Variants in LMO7 observed in about 807,000 individuals in gnomAD.
LMO7 encodes LIM domain 7, also known as LIM domain only protein 7.
In LMO7, 120 loss-of-function variants were observed where a neutral mutation model predicts 206.5. The ratio of observed to expected loss-of-function variants is 0.58; its 90% CI spans 0.50 to 0.68. The LOEUF is 0.68. Among genes scored for constraint, LMO7 ranks in the 30% least tolerant of loss-of-function variants. LMO7 has a pLI of 0.00. For missense variants in LMO7, 1,959 were observed against 1,957.9 expected (o/e 1.00, Z -0.01); for synonymous variants, 706 against 681.5 (o/e 1.04, Z -0.56).
At chr13:75,851,215 T>C (rs554316054) in intron 27 of LMO7, among the ~76,000 whole-genome samples, 3 of 152,290 alleles carry the variant, frequency 2.0e-5, no homozygotes, top group African/African-American at 7.2e-5. Flanking sequence ...TACAGTCTTA[T>C]CATATGAGCA....
intron 2 of LMO7, among the ~76,000 whole-genome samples, chr13:75,722,810 T>C (rs2044137232): frequency 6.6e-6 from 1 of 152,168 alleles, no homozygotes; most frequent in Non-Finnish European, 1.5e-5. Context: ...GTGGTGTATA[T>C]ATGCATATAC....
At chr13:75,629,005 C>T (rs774509861) in intron 2 of LMO7, among the ~76,000 whole-genome samples, 2 of 151,972 alleles carry the variant, frequency 1.3e-5, no homozygotes, top group Non-Finnish European at 2.9e-5. Flanking sequence ...CCCCAGGGGA[C>T]GTCTGGCGGT....
chr13:75,849,995 GT>G lies in LMO7; in HGVS notation c.4364+704del, dbSNP rs2060354316. On this transcript the variant is annotated intron_variant, in intron 27 of 30. Coordinates refer to ENST00000377534, the MANE Select transcript of LMO7 (RefSeq NM_001306080.2). ...CTCTATAAAAAATAGATGTGTGCCT[GT>G]AATCCCAGCTACCCAGGAGGCTGAG... Among the ~76,000 whole-genome samples the G allele has an allele frequency of 1.2e-4, 18 of 152,140 alleles. 1 individual carries two copies. Among genetic ancestry groups the G allele is most frequent in the Non-Finnish European group, 2.2e-4 (15 of 68,030 alleles).
upstream of LMO7, chr13:75,636,301 C>A: frequency 2.8e-6 from 3 of 1,082,852 alleles, no homozygotes; most frequent in Non-Finnish European, 3.4e-6. Flanking sequence ...GCGGGGAGGA[C>A]GGCGGCGGCG....
At chr13:75,828,761 T>G (rs1196950186) in intron 15 of LMO7, among the ~76,000 whole-genome samples, 1 of 152,102 alleles carries the variant, frequency 6.6e-6, no homozygotes. Flanking sequence ...CACAGGAGTT[T>G]AGGGGAGATC....
At position 75,857,963 on chromosome 13, in the gene LMO7, G is replaced by A. The variant is rs2061102358; in HGVS notation, c.*20G>A. 1.2e-6 allele frequency: 2 copies of A among 1,609,554 alleles called. No individual in the cohort carries two copies. The highest frequency in any genetic ancestry group is 1.3e-5 in the African/African-American group (1 of 74,614). Reference sequence around the variant, plus strand: ...ATGTGATGTAAGCCTCCATACGAAAGCACTGTTGCAGATAGAAGAAGAGGT... The same window carrying A: ...ATGTGATGTAAGCCTCCATACGAAAACACTGTTGCAGATAGAAGAAGAGGT... On this transcript the variant is annotated 3_prime_UTR_variant, in exon 31 of 31. Coordinates refer to ENST00000377534, the MANE Select transcript of LMO7 (RefSeq NM_001306080.2).
chr13:75,777,764 G>C (rs1389949541), intron 4 of LMO7, among the ~76,000 whole-genome samples: 1 of 150,626 alleles, frequency 6.6e-6, no homozygotes, highest in Non-Finnish European at 1.5e-5. Flanking sequence ...CCCTGCCTCA[G>C]CCTCCCGAGT....
At chr13:75,664,630 T>G (rs974518989) in intron 1 of LMO7, among the ~76,000 whole-genome samples, 2 of 152,256 alleles carry the variant, frequency 1.3e-5, no homozygotes, top group Non-Finnish European at 2.9e-5. Flanking sequence ...TTGGTTGTAC[T>G]GATTTACATT....
chr13:75,629,273 A>G (rs1472013425), intron 2 of LMO7, among the ~76,000 whole-genome samples: 1 of 152,204 alleles, frequency 6.6e-6, no homozygotes, highest in Non-Finnish European at 1.5e-5. Flanking sequence ...ATTAAGTTAT[A>G]GGTTTTACAT....
chr13:75,802,518 GT>G (rs975600415), intron 7 of LMO7, among the ~76,000 whole-genome samples: 4 of 152,228 alleles, frequency 2.6e-5, no homozygotes, highest in African/African-American at 9.6e-5. Flanking sequence ...TAGAGGGCAT[GT>G]GGGAATATGC....
Position 75,803,431 on chromosome 13 carries a change from G to A in LMO7, c.662-858G>A, listed in dbSNP as rs981064429. Among the ~76,000 whole-genome samples the A allele has an allele frequency of 2.6e-5, 4 of 152,202 alleles. No individual in the cohort carries two copies. The East Asian group carries it at 5.8e-4, about 22-fold the overall frequency. Reference sequence around the variant, plus strand: ...GTAACATTTCCAAACCTTTACAAGTGCACAGGAGGCAGGAAGAGAAGGGTG... The same window carrying A: ...GTAACATTTCCAAACCTTTACAAGTACACAGGAGGCAGGAAGAGAAGGGTG... On this transcript the variant is annotated intron_variant, in intron 7 of 30. Coordinates refer to ENST00000377534, the MANE Select transcript of LMO7 (RefSeq NM_001306080.2).
At chr13:75,655,637 TTATATATATATATATATATATATATATA>T (rs67966172) in intron 1 of LMO7, among the ~76,000 whole-genome samples, 21 of 134,722 alleles carry the variant, frequency 1.6e-4, no homozygotes, top group Admixed American at 3.6e-4. Flanking sequence ...TTCATGGATT[TTATATATATATATATATATATATATATA>T]TATATATATA....
intron 27 of LMO7, among the ~76,000 whole-genome samples, chr13:75,851,989 T>C (rs769867215): frequency 2.0e-5 from 3 of 152,202 alleles, no homozygotes; most frequent in Non-Finnish European, 4.4e-5. Context: ...GTTATGAAGA[T>C]TCAATAAGTT....
Position 75,807,478 on chromosome 13 carries a change from A to T in LMO7, c.1197-2A>T. The stretch of plus-strand genomic sequence containing the variant: ...CTTTCCTTTTTCCTCTCTGTGCATC[A>T]GTCAGTTTTTACTGCTTCAGGCCCT... On this transcript the variant is annotated splice_acceptor_variant, in intron 9 of 30. Transcript: ENST00000377534. LOFTEE classifies it high-confidence loss of function. The T allele has an allele frequency of 6.2e-7, 1 of 1,612,532 alleles. No individual in the cohort carries two copies. Among genetic ancestry groups the T allele is most frequent in the Non-Finnish European group, 8.5e-7 (1 of 1,179,484 alleles).
Position 75,841,845 on chromosome 13 carries a change from G to A in LMO7, c.3893G>A (p.Trp1298Ter). The A allele has an allele frequency of 1.2e-6, 2 of 1,614,112 alleles. No individual in the cohort carries two copies. The highest frequency in any genetic ancestry group is 1.7e-6 in the Non-Finnish European group (2 of 1,180,008). The change falls in exon 24 of 31, where the codon TGG (tryptophan) becomes TAG (stop). Residue 1298 changes from tryptophan (W) to a stop codon, truncating the protein, a stop_gained. Transcript: ENST00000377534. LOFTEE classifies it high-confidence loss of function. The part of the protein sequence containing the change: ...DQLVIERERK[W>*]EQQLQEEQEQ... ...CTTGTTATTGAGAGAGAGAGGAAAT[G>A]GGAGCAACAGCTTCAGGAAGAGCAA...
At chr13:75,843,044 T>C in intron 25 of LMO7, 128 bp downstream of exon 25, 1 of 660,128 alleles carries the variant, frequency 1.5e-6, no homozygotes, top group Non-Finnish European at 2.7e-6. Flanking sequence ...GAGGAATTGC[T>C]GGTTGATCTT....
chr13:75,776,993 G>A (rs1468599842), intron 4 of LMO7, among the ~76,000 whole-genome samples: 1 of 152,218 alleles, frequency 6.6e-6, no homozygotes, highest in African/African-American at 2.4e-5. Context: ...CCTTTTGCAT[G>A]TGAGAAAAGT....
rs115087131 is a variant in LMO7, at chr13:75,857,503, C to T, written c.4874-418C>T. 4.2e-3 allele frequency: 650 copies of T among 154,520 alleles called. 4 individuals carry two copies. Among genetic ancestry groups the T allele is most frequent in the African/African-American group, 0.015 (626 of 41,568 alleles). 9.6% of individuals were successfully genotyped at this position (154,520 alleles called of 1,614,324 possible). On this transcript the variant is annotated intron_variant, in intron 30 of 30. Coordinates refer to ENST00000377534, the MANE Select transcript of LMO7 (RefSeq NM_001306080.2). Reference sequence around the variant, plus strand: ...TCCTGCTGCAGCTGTCCAGTCCTTTCCTGGATGCTGACACTGAGGTTGGAG... The same window carrying T: ...TCCTGCTGCAGCTGTCCAGTCCTTTTCTGGATGCTGACACTGAGGTTGGAG...
At position 75,858,052 on chromosome 13, in the gene LMO7, A is replaced by C. The variant is rs549669615; in HGVS notation, c.*109A>C. ...GTCTTTTTTGCTTTTTTTTTAAAAA[A>C]AAGAATAACTTTTTTTGCCTCTTTA... On this transcript the variant is annotated 3_prime_UTR_variant, in exon 31 of 31. Coordinates refer to ENST00000377534, the MANE Select transcript of LMO7 (RefSeq NM_001306080.2). 31 of 1,358,512 alleles carry C rather than the reference A, an allele frequency of 2.3e-5. No individual in the cohort carries two copies. Among genetic ancestry groups the C allele is most frequent in the Admixed American group, 4.3e-5 (2 of 47,022 alleles). The allele number at this position is 1,358,512 out of a possible 1,614,324, so 84.2% of individuals were successfully genotyped here.
Sources: gnomAD v4.1 joint callset for allele counts (sites outside exome capture counted in the v4.1 genomes callset) on GRCh38, gnomAD v4.1.1 for gene constraint, MANE v1.5 for transcripts, NCBI Gene and HGNC (gene_info 2026-07-23, HGNC 2026-07-21) for gene names.